FAM110B: variants seen among roughly 807,000 people sequenced by gnomAD.
FAM110B encodes protein FAM110B.
FAM110B carries 6 observed loss-of-function variants against 20.4 expected under a neutral mutation model. That is an observed-to-expected ratio of 0.29 (90% CI 0.16 to 0.58). The LOEUF is 0.58. Among genes scored for constraint, FAM110B ranks in the 20% least tolerant of loss-of-function variants. The pLI is 0.90. For missense variants in FAM110B, 434 were observed against 498.2 expected (o/e 0.87, Z 1.23); for synonymous variants, 226 against 214.1 (o/e 1.06, Z -0.49).
intron 3 of FAM110B, among the ~76,000 whole-genome samples, chr8:58,145,315 G>GT (rs34339289): frequency 0.026 from 3,753 of 143,246 alleles, 50 homozygotes; most frequent in South Asian, 0.05. Flanking sequence ...ACGTGTTGAG[G>GT]TTTTTTTTTT....
intron 3 of FAM110B, among the ~76,000 whole-genome samples, chr8:58,108,212 G>A (rs1057178071): frequency 1.3e-5 from 2 of 152,228 alleles, no homozygotes; most frequent in Non-Finnish European, 2.9e-5. Context: ...GAATGATTGA[G>A]CAACAAGATG....
Position 58,104,379 on chromosome 8 carries a change from A to T in FAM110B, c.-325+28756A>T, listed in dbSNP as rs80177777. 1.1e-4 allele frequency among the ~76,000 whole-genome samples: 17 copies of T among 152,346 alleles called. No individual in the cohort carries two copies. The East Asian group carries it at 1.7e-3, about 16-fold the overall frequency. ...TATTGAAACTACAAATAAAAATGAA[A>T]TTTAAATATATCGTTTTATATATGG... On this transcript the variant is annotated intron_variant, in intron 3 of 3. Coordinates refer to ENST00000519262, the MANE Select transcript of FAM110B (RefSeq NM_001377989.1).
chr8:58,134,039 G>T (rs774356442), intron 3 of FAM110B, among the ~76,000 whole-genome samples: 7 of 152,202 alleles, frequency 4.6e-5, no homozygotes, highest in Non-Finnish European at 8.8e-5. Flanking sequence ...AATATGTGCT[G>T]CAATAAATAG....
At chr8:58,135,238 G>A (rs1182956688) in intron 3 of FAM110B, among the ~76,000 whole-genome samples, 2 of 152,106 alleles carry the variant, frequency 1.3e-5, no homozygotes, top group African/African-American at 4.8e-5. Flanking sequence ...GGATGTTCAC[G>A]GGATGGAACT....
intron 3 of FAM110B, among the ~76,000 whole-genome samples, chr8:58,082,030 A>T (rs1384296896): frequency 1.3e-5 from 2 of 152,118 alleles, no homozygotes; most frequent in African/African-American, 4.8e-5. Flanking sequence ...GCTCAAGGGG[A>T]TGAATAAATA....
intron 1 of FAM110B, among the ~76,000 whole-genome samples, chr8:58,008,409 A>T (rs1804459350): frequency 6.6e-6 from 1 of 152,198 alleles, no homozygotes; most frequent in South Asian, 2.1e-4. Context: ...CTGGGATTAC[A>T]GGCGTGAGCC....
At chr8:58,047,591 CCTCTCTCTCTCTCTCTCTCTCTCT>C (rs56031012) in intron 2 of FAM110B, among the ~76,000 whole-genome samples, 4 of 74,646 alleles carry the variant, frequency 5.4e-5, no homozygotes, top group African/African-American at 1.7e-4. Context: ...CTTCCTTTTT[CCTCTCTCTCTCTCTCTCTCTCTCT>C]CTCTCTCTCT....
chr8:58,082,997 C>A (rs1299646596), intron 3 of FAM110B, among the ~76,000 whole-genome samples: 1 of 146,122 alleles, frequency 6.8e-6, no homozygotes, highest in African/African-American at 2.6e-5. Flanking sequence ...TGACACAGAG[C>A]AAGACCCTGA....
intron 2 of FAM110B, among the ~76,000 whole-genome samples, chr8:58,071,816 C>T (rs957285857): frequency 5.9e-5 from 9 of 152,186 alleles, no homozygotes; most frequent in Non-Finnish European, 1.3e-4. Flanking sequence ...AACCAGCTGG[C>T]GGCATTCTCA....
At chr8:58,098,204 G>A (rs535023922) in intron 3 of FAM110B, among the ~76,000 whole-genome samples, 13 of 152,380 alleles carry the variant, frequency 8.5e-5, no homozygotes, top group South Asian at 6.2e-4. Context: ...GTAAGCCCCT[G>A]ACTGGGGCTG....
chr8:58,066,245 G>A (rs901463295), intron 2 of FAM110B, among the ~76,000 whole-genome samples: 2 of 152,208 alleles, frequency 1.3e-5, no homozygotes, highest in African/African-American at 4.8e-5. Context: ...TCTGCTCAGG[G>A]TTTTTGTACC....
At chr8:58,095,970 A>G (rs1341531259) in intron 3 of FAM110B, among the ~76,000 whole-genome samples, 1 of 152,162 alleles carries the variant, frequency 6.6e-6, no homozygotes, top group Non-Finnish European at 1.5e-5. Flanking sequence ...TTCTTGTTGC[A>G]TTGATCCCTT....
Position 58,146,451 on chromosome 8 carries a change from C to A in FAM110B, c.221C>A (p.Pro74His). 1 of 1,613,492 alleles carries A rather than the reference C, an allele frequency of 6.2e-7. No homozygotes were observed. The highest frequency in any genetic ancestry group is 8.5e-7 in the Non-Finnish European group (1 of 1,179,654). ...GAGGTGATCAACGCCAAGCAGGAGC[C>A]CGTGAAGCCCGCCGTGCTGGCCAAG... ...SQEVINAKQE[P>H]VKPAVLAKPP... is the part of the protein sequence containing the mutation. Residue 74 changes from proline to histidine, a missense_variant, in exon 4 of 4, where the codon CCC becomes CAC. Coordinates refer to ENST00000519262, the MANE Select transcript of FAM110B (RefSeq NM_001377989.1).
At chr8:58,081,652 C>T (rs1355329576) in intron 3 of FAM110B, among the ~76,000 whole-genome samples, 2 of 152,174 alleles carry the variant, frequency 1.3e-5, no homozygotes, top group Admixed American at 6.5e-5. Flanking sequence ...TGTTATTCTG[C>T]TCATGTTCCC....
At chr8:58,084,721 G>A (rs1410326431) in intron 3 of FAM110B, among the ~76,000 whole-genome samples, 2 of 152,080 alleles carry the variant, frequency 1.3e-5, no homozygotes, top group East Asian at 3.9e-4. Flanking sequence ...TTTTTCACTG[G>A]AAGTCTTACC....
chr8:58,089,122 A>G (rs1585876257), intron 3 of FAM110B, among the ~76,000 whole-genome samples: 1 of 152,222 alleles, frequency 6.6e-6, no homozygotes, highest in African/African-American at 2.4e-5. Context: ...AATGCTGCCT[A>G]TCGGAGGCAC....
chr8:58,140,014 A>G (rs1350210420), intron 3 of FAM110B, among the ~76,000 whole-genome samples: 1 of 152,232 alleles, frequency 6.6e-6, no homozygotes, highest in African/African-American at 2.4e-5. Context: ...AAAATGGCTC[A>G]GGCAGACGGA....
intron 3 of FAM110B, among the ~76,000 whole-genome samples, chr8:58,084,734 C>T (rs1806289804): frequency 6.6e-6 from 1 of 152,002 alleles, no homozygotes. Flanking sequence ...GTCTTACCAC[C>T]ATGTACACCT....
chr8:58,015,715 T>G (rs922639334), intron 1 of FAM110B, among the ~76,000 whole-genome samples: 1 of 151,536 alleles, frequency 6.6e-6, no homozygotes, highest in Non-Finnish European at 1.5e-5. Context: ...TGTGGTGGTG[T>G]GTGCCTGTAA....
Sources: gnomAD v4.1 joint callset for allele counts (sites outside exome capture counted in the v4.1 genomes callset) on GRCh38, gnomAD v4.1.1 for gene constraint, MANE v1.5 for transcripts, NCBI Gene and HGNC (gene_info 2026-07-23, HGNC 2026-07-21) for gene names.